BCAS1: variants seen among roughly 807,000 people sequenced by gnomAD.
The protein encoded by BCAS1 is brain enriched myelin associated protein 1, also known as breast carcinoma-amplified sequence 1.
Under a neutral mutation model 65.4 loss-of-function variants are expected in BCAS1, and 46 were observed. That is an observed-to-expected ratio of 0.70 (90% CI 0.55 to 0.90). The LOEUF is 0.90. Ranked by LOEUF, BCAS1 falls within the 40% of genes least tolerant of loss-of-function variation. The pLI is 0.00. For synonymous variants in BCAS1, 298 were observed against 293.5 expected (o/e 1.02, Z -0.16); for missense variants, 793 against 771.2 (o/e 1.03, Z -0.33).
At chr20:53,986,391 A>G (rs113001195) in intron 7 of BCAS1, among the ~76,000 whole-genome samples, 1 of 152,170 alleles carries the variant, frequency 6.6e-6, no homozygotes, top group African/African-American at 2.4e-5. Flanking sequence ...AAGAGTTGGG[A>G]GAATTATAGT....
intron 10 of BCAS1, among the ~76,000 whole-genome samples, chr20:53,964,863 C>T (rs1283794964): frequency 1.1e-4 from 16 of 149,124 alleles, no homozygotes; most frequent in African/African-American, 4.0e-4. Context: ...AATGAAGGAG[C>T]TTCATGTTGG....
chr20:53,975,509 T>TGG (rs2090308271), intron 8 of BCAS1, 79 bp from the exon 9 acceptor site: 1 of 1,192,960 alleles, frequency 8.4e-7, no homozygotes, highest in African/African-American at 1.5e-5. Flanking sequence ...AAGGGTTAGT[T>TGG]GGGCTCACAG....
intron 6 of BCAS1, 75 bp downstream of exon 6, chr20:53,994,937 A>T: frequency 7.6e-7 from 1 of 1,312,204 alleles, no homozygotes. Context: ...TCAAAAAACA[A>T]GCAGGCAGAC....
intron 3 of BCAS1, among the ~76,000 whole-genome samples, chr20:54,029,357 C>G (rs1482200796): frequency 3.3e-5 from 5 of 152,220 alleles, no homozygotes; most frequent in Non-Finnish European, 7.3e-5. Context: ...CAAGGTTTCT[C>G]AACCTCAGCA....
At chr20:53,957,771 C>A (rs1430754998) in intron 10 of BCAS1, among the ~76,000 whole-genome samples, 1 of 152,076 alleles carries the variant, frequency 6.6e-6, no homozygotes, top group Non-Finnish European at 1.5e-5. Flanking sequence ...GATGACGGTT[C>A]CAATTAATGT....
chr20:53,968,257 C>A (rs1000270898), intron 9 of BCAS1, among the ~76,000 whole-genome samples: 1 of 152,214 alleles, frequency 6.6e-6, no homozygotes, highest in African/African-American at 2.4e-5. Context: ...TATTTACTAT[C>A]TGGCCCTTTA....
intron 12 of BCAS1, among the ~76,000 whole-genome samples, chr20:53,950,785 T>C (rs1285568464): frequency 6.6e-6 from 1 of 152,222 alleles, no homozygotes; most frequent in Non-Finnish European, 1.5e-5. Flanking sequence ...TTAAGCCTTA[T>C]GAGCCATGCA....
intron 3 of BCAS1, among the ~76,000 whole-genome samples, chr20:54,043,148 G>A (rs1363139507): frequency 6.6e-6 from 1 of 152,184 alleles, no homozygotes; most frequent in Non-Finnish European, 1.5e-5. Flanking sequence ...CCAGCCACTG[G>A]TAACATCCCA....
rs144463208 is a variant in BCAS1, at chr20:54,001,345, T to C, written c.724-5295A>G. 7.1e-3 allele frequency among the ~76,000 whole-genome samples: 1,076 copies of C among 152,234 alleles called. 10 individuals are homozygous for C. Among genetic ancestry groups the C allele is most frequent in the South Asian group, 0.042 (200 of 4,816 alleles). On this transcript the variant is annotated intron_variant, in intron 4 of 12. Coordinates refer to ENST00000688948, the MANE Select transcript of BCAS1 (RefSeq NM_001366298.2). ...AACTTTGAAACAAAGATAATAACAGTCCCTTCCCCAAACAAGCCCCCTTTA... is the reference window on the plus strand; with the variant it reads ...AACTTTGAAACAAAGATAATAACAGCCCCTTCCCCAAACAAGCCCCCTTTA...
chr20:53,968,352 C>T (rs2090092060), intron 9 of BCAS1, among the ~76,000 whole-genome samples: 1 of 152,136 alleles, frequency 6.6e-6, no homozygotes, highest in Admixed American at 6.5e-5. Context: ...TGGGCCAGAC[C>T]CCTAGCTTCT....
At chr20:54,069,174 C>T (rs997841642) in intron 1 of BCAS1, among the ~76,000 whole-genome samples, 1 of 114,228 alleles carries the variant, frequency 8.8e-6, no homozygotes, top group African/African-American at 2.6e-5. Flanking sequence ...GTATATACAC[C>T]CAGGGCCTGA....
In BCAS1 at chr20:53,962,263, G is replaced by T. The variant is rs189026661; in HGVS notation, c.1485+4643C>A. 8.5e-5 allele frequency among the ~76,000 whole-genome samples: 13 copies of T among 152,238 alleles called. No homozygotes were observed. In the East Asian group the frequency reaches 2.1e-3, roughly 25 times the overall value. On this transcript the variant is annotated intron_variant, in intron 10 of 12. Transcript: ENST00000688948. ...CAGATTTTGTTAGACTTACTAGATT[G>T]AATGTAATTAATTTAAAAAACCCTC...
chr20:53,980,339 A>G (rs2090445165), intron 8 of BCAS1, among the ~76,000 whole-genome samples: 1 of 152,246 alleles, frequency 6.6e-6, no homozygotes, highest in Non-Finnish European at 1.5e-5. Flanking sequence ...CTTCCCGAAG[A>G]CAGCTCCTTG....
At chr20:54,036,257 T>C (rs2091898310) in intron 3 of BCAS1, among the ~76,000 whole-genome samples, 1 of 150,848 alleles carries the variant, frequency 6.6e-6, no homozygotes, top group East Asian at 1.9e-4. Context: ...TGCAAAAAGA[T>C]GACATACCAA....
Position 54,021,398 on chromosome 20 carries a change from A to G in BCAS1, c.723+6994T>C, listed in dbSNP as rs183063337. Among the ~76,000 whole-genome samples the G allele has an allele frequency of 8.2e-3, 1,121 of 137,088 alleles. 118 individuals are homozygous for G. The highest frequency in any genetic ancestry group is 0.026 in the African/African-American group (1,023 of 39,404). 89.9% of individuals were successfully genotyped at this position (137,088 alleles called of 152,430 possible). On this transcript the variant is annotated intron_variant, in intron 4 of 12. Coordinates refer to ENST00000688948, the MANE Select transcript of BCAS1 (RefSeq NM_001366298.2). Reference sequence around the variant, plus strand: ...TTAAGTGTGCAATAGCATTACGTCTAAAAAAAAAGTACATACTTTAATTTA... The same window carrying G: ...TTAAGTGTGCAATAGCATTACGTCTGAAAAAAAAGTACATACTTTAATTTA...
intron 9 of BCAS1, among the ~76,000 whole-genome samples, chr20:53,968,709 G>A (rs2090102992): frequency 6.6e-6 from 1 of 152,176 alleles, no homozygotes; most frequent in Non-Finnish European, 1.5e-5. Context: ...AAGTCCTCAG[G>A]AGGCAAGGCA....
intron 10 of BCAS1, 112 bp from the exon 11 acceptor site, chr20:53,957,609 A>C (rs561209345): frequency 1.0e-6 from 1 of 986,908 alleles, no homozygotes; most frequent in Non-Finnish European, 1.6e-6. Flanking sequence ...TTTGGGGTCA[A>C]GACAAATGGA....
intron 7 of BCAS1, among the ~76,000 whole-genome samples, chr20:53,987,866 A>C (rs552924255): frequency 8.5e-5 from 13 of 152,160 alleles, no homozygotes; most frequent in Non-Finnish European, 1.9e-4. Context: ...TTTTCCACGC[A>C]CAGGGAACAA....
chr20:53,957,372 T>C, intron 11 of BCAS1, 60 bp downstream of exon 11: 1 of 1,443,110 alleles, frequency 6.9e-7, no homozygotes, highest in South Asian at 1.1e-5. Flanking sequence ...AAAAGTATAC[T>C]GTGAAGAAGT....
Sources: gnomAD v4.1 joint callset for allele counts (sites outside exome capture counted in the v4.1 genomes callset) on GRCh38, gnomAD v4.1.1 for gene constraint, MANE v1.5 for transcripts, NCBI Gene and HGNC (gene_info 2026-07-23, HGNC 2026-07-21) for gene names.